LRBA: variants seen among roughly 807,000 people sequenced by gnomAD.
LRBA encodes the protein LPS responsive beige-like anchor protein, also known as lipopolysaccharide-responsive and beige-like anchor protein.
Under a neutral mutation model 330.0 loss-of-function variants are expected in LRBA, and 176 were observed. That is an observed-to-expected ratio of 0.53 (90% confidence interval 0.47 to 0.60). The LOEUF is 0.60. Ranked by LOEUF, LRBA falls within the 20% of genes least tolerant of loss-of-function variation. The pLI is 0.00. For synonymous variants in LRBA, 1,230 were observed against 1,193.0 expected (o/e 1.03, Z -0.64); for missense variants, 3,259 against 3,444.8 (o/e 0.95, Z 1.35).
chr4:150,715,242 C>T (rs1786629540), intron 36 of LRBA, among the ~76,000 whole-genome samples: 1 of 152,084 alleles, frequency 6.6e-6, no homozygotes, highest in Non-Finnish European at 1.5e-5. Flanking sequence ...AATACCCACC[C>T]CAACCTCTCA....
intron 17 of LRBA, among the ~76,000 whole-genome samples, chr4:150,873,641 TAAGTA>T (rs1217236488): frequency 6.6e-6 from 1 of 151,876 alleles, no homozygotes; most frequent in African/African-American, 2.4e-5. Flanking sequence ...GATTTTAGTA[TAAGTA>T]AAGTATAATG....
intron 34 of LRBA, among the ~76,000 whole-genome samples, chr4:150,768,354 G>A (rs958286850): frequency 5.3e-5 from 8 of 152,098 alleles, no homozygotes; most frequent in Admixed American, 2.0e-4. Flanking sequence ...GAGTACATAC[G>A]AAGGTGGCTG....
Position 151,006,745 on chromosome 4 carries a change from ATCAAT to A in LRBA, c.216+7677_216+7681del, listed in dbSNP as rs762567894. Among the ~76,000 whole-genome samples, 85 of 152,326 alleles carry A rather than the reference ATCAAT, an allele frequency of 5.6e-4. 1 individual carries two copies. The highest frequency in any genetic ancestry group is 1.4e-3 in the Admixed American group (21 of 15,292). On this transcript the variant is annotated intron_variant, in intron 2 of 56. Coordinates refer to ENST00000651943, the MANE Select transcript of LRBA (RefSeq NM_001364905.1). ...CAAATGATTTCTCAGTTTAAAATAAATCAATTCAAAGGTCAACAAAACTGTATGCT... is the reference window on the plus strand; with the variant it reads ...CAAATGATTTCTCAGTTTAAAATAAATCAAAGGTCAACAAAACTGTATGCT...
intron 30 of LRBA, among the ~76,000 whole-genome samples, chr4:150,821,926 T>G (rs1180452456): frequency 6.6e-6 from 1 of 152,186 alleles, no homozygotes; most frequent in East Asian, 1.9e-4. Flanking sequence ...ACTTTCCAGC[T>G]ATTCCTTGGA....
At chr4:150,833,699 C>T (rs1402197933) in intron 28 of LRBA, among the ~76,000 whole-genome samples, 5 of 152,168 alleles carry the variant, frequency 3.3e-5, no homozygotes, top group Admixed American at 3.3e-4. Context: ...TGCATCTCCA[C>T]ATTCATGGAT....
At position 150,798,125 on chromosome 4, in the gene LRBA, A is replaced by C; in HGVS notation, c.5536T>G (p.Ser1846Ala). Residue 1846 changes from serine (S) to alanine (A), a missense_variant, in exon 34 of 57, where the codon TCG (serine) becomes GCG (alanine). Physicochemically the swap from Ser to Ala is moderately conservative, Grantham distance 99 (BLOSUM62 1). Coordinates refer to ENST00000651943, the MANE Select transcript of LRBA (RefSeq NM_001364905.1). The part of the protein sequence containing the change: ...IEGTSLVCMK[S>A]SSSVVELVML... ...ACCAATTCCACAACTGAACTACTCGACTTCATGCAAACCAGACCTATTTTA... is the reference window on the plus strand; with the variant it reads ...ACCAATTCCACAACTGAACTACTCGCCTTCATGCAAACCAGACCTATTTTA... 2 of 1,607,146 alleles carry C rather than the reference A, an allele frequency of 1.2e-6. No homozygotes were observed. The highest frequency in any genetic ancestry group is 8.5e-7 in the Non-Finnish European group (1 of 1,173,782).
At chr4:150,466,844 A>T (rs1755511345) in intron 44 of LRBA, among the ~76,000 whole-genome samples, 2 of 152,050 alleles carry the variant, frequency 1.3e-5, no homozygotes, top group Admixed American at 1.3e-4. Context: ...TTTCATCCTA[A>T]TTTTTTTCCT....
At chr4:150,853,005 ATAAAACTAAAT>A in intron 22 of LRBA, 62 bp from the exon 23 acceptor site, 1 of 859,666 alleles carries the variant, frequency 1.2e-6, no homozygotes, top group Non-Finnish European at 1.7e-6. Context: ...AATACAAAAT[ATAAAACTAAAT>A]AATTTTCAAA....
At chr4:150,868,352 C>T (rs371087035) in intron 20 of LRBA, 47 bp from the exon 21 acceptor site, 86 of 1,429,520 alleles carry the variant, frequency 6.0e-5, no homozygotes, top group Non-Finnish European at 7.9e-5. Context: ...CAACAAAAAA[C>T]TCATGATAGA....
chr4:150,559,727 A>T (rs1415461401), intron 40 of LRBA, among the ~76,000 whole-genome samples: 2 of 90,044 alleles, frequency 2.2e-5, no homozygotes, highest in Non-Finnish European at 4.0e-5. Context: ...AGATTATATA[A>T]TATATAATAT....
At chr4:150,903,498 G>A (rs150781124) in intron 13 of LRBA, among the ~76,000 whole-genome samples, 10 of 152,212 alleles carry the variant, frequency 6.6e-5, no homozygotes, top group Non-Finnish European at 1.2e-4. Context: ...AGCACTCTTG[G>A]GGGGCTGAGG....
At chr4:150,744,524 T>C (rs1030846989) in intron 35 of LRBA, among the ~76,000 whole-genome samples, 6 of 152,258 alleles carry the variant, frequency 3.9e-5, no homozygotes, top group Non-Finnish European at 8.8e-5. Context: ...ACATTATAAC[T>C]GAATAAATCT....
At chr4:150,389,258 G>A (rs1743530953) in intron 47 of LRBA, among the ~76,000 whole-genome samples, 1 of 152,172 alleles carries the variant, frequency 6.6e-6, no homozygotes, top group African/African-American at 2.4e-5. Context: ...GGAGGCTGAG[G>A]TGGGAGGATT....
rs190430977 is a variant in LRBA, at chr4:150,901,691, A to C, written c.1756-1474T>G. Reference sequence around the variant, plus strand: ...ATTAGAGTGTCAGTGAATAAATCTAACATGCTAAAAAGTGGCAGGTTCTGA... The same window carrying C: ...ATTAGAGTGTCAGTGAATAAATCTACCATGCTAAAAAGTGGCAGGTTCTGA... On this transcript the variant is annotated intron_variant, in intron 13 of 56. Transcript: ENST00000651943. Among the ~76,000 whole-genome samples the C allele has an allele frequency of 5.0e-3, 762 of 152,342 alleles. 4 individuals carry two copies. The highest frequency in any genetic ancestry group is 0.017 in the African/African-American group (717 of 41,574).
Position 150,307,152 on chromosome 4 carries a change from A to G in LRBA, c.7849+3077T>C, listed in dbSNP as rs1730459293. Among the ~76,000 whole-genome samples the G allele has an allele frequency of 6.6e-5, 10 of 152,286 alleles. 1 individual carries two copies. The South Asian group carries it at 2.1e-3, about 32-fold the overall frequency. Reference sequence around the variant, plus strand: ...ATAATATAGAATGTCAACAAACTAAAAACACTCAAATGTCAAAACCAAAGA... The same window carrying G: ...ATAATATAGAATGTCAACAAACTAAGAACACTCAAATGTCAAAACCAAAGA... On this transcript the variant is annotated intron_variant, in intron 52 of 56. Coordinates refer to ENST00000651943, the MANE Select transcript of LRBA (RefSeq NM_001364905.1).
chr4:150,268,692 A>C (rs189375453), intron 56 of LRBA, among the ~76,000 whole-genome samples: 7 of 151,006 alleles, frequency 4.6e-5, no homozygotes, highest in Non-Finnish European at 1.0e-4. Context: ...AAAATTTGAC[A>C]TGTGACAAAA....
At position 150,487,728 on chromosome 4, in the gene LRBA, G is replaced by T; in HGVS notation, c.6551+4C>A. ...TTCCCTAAGTTTCTCATATAAAACA[G>T]TACCTGGTTTGAGGCAATCCAAAAC... On this transcript the variant is annotated splice_donor_region_variant and intron_variant, in intron 42 of 56. Transcript: ENST00000651943. 1 of 1,575,948 alleles carries T rather than the reference G, an allele frequency of 6.3e-7. No individual in the cohort carries two copies. Among genetic ancestry groups the T allele is most frequent in the Non-Finnish European group, 8.7e-7 (1 of 1,151,008 alleles).
chr4:150,892,882 T>C (rs915239845), intron 17 of LRBA, among the ~76,000 whole-genome samples, 170 bp downstream of exon 17: 3 of 152,162 alleles, frequency 2.0e-5, no homozygotes, highest in Non-Finnish European at 2.9e-5. Context: ...CCTCTATAAT[T>C]AAAGATTCAT....
chr4:150,698,780 A>G (rs1784848029), intron 36 of LRBA, among the ~76,000 whole-genome samples: 1 of 152,202 alleles, frequency 6.6e-6, no homozygotes, highest in South Asian at 2.1e-4. Flanking sequence ...TTATACAGGT[A>G]AGAATATGAT....
Sources: allele counts gnomAD v4.1 joint callset (sites outside exome capture counted in the v4.1 genomes callset), GRCh38; gene constraint gnomAD v4.1.1; transcripts MANE v1.5; gene names NCBI Gene and HGNC (gene_info 2026-07-23, HGNC 2026-07-21).